Variants in BOP1 observed in about 807,000 individuals in gnomAD.
The protein encoded by BOP1 is BOP1 ribosomal biogenesis factor.
A neutral mutation model predicts 82.9 loss-of-function variants in BOP1; 54 were observed. The observed-to-expected ratio is 0.65, with a 90% CI of 0.52 to 0.82. The LOEUF (loss-of-function observed/expected upper bound fraction) is 0.82, where lower values mean the gene tolerates loss of function less well. BOP1 is among the 40% of genes least tolerant of loss of function. The probability of loss-of-function intolerance (pLI) is 0.00; values close to 1 mark genes in which losing one functional copy is unlikely to be tolerated. For synonymous variants in BOP1, 566 were observed against 451.1 expected, an observed-to-expected ratio of 1.25 and a Z score of -3.23; for missense variants, 1,170 against 1,072.0, an observed-to-expected ratio of 1.09 and a Z score of -1.28.
chr8:144,263,337 G>T lies in BOP1; in HGVS notation c.1489C>A (p.Gln497Lys). 3.1e-6 allele frequency: 5 copies of T among 1,595,012 alleles called. No homozygotes were observed. Among genetic ancestry groups the T allele is most frequent in the Non-Finnish European group, 4.2e-6 (5 of 1,179,056 alleles). Residue 497 changes from glutamine to lysine, a missense_variant, in exon 12 of 16, where the codon CAG becomes AAG. Transcript: ENST00000569669. Reference protein sequence around the residue: ...GDRLVAGSTDQLLSAFVPPEE... With the variant: ...GDRLVAGSTDKLLSAFVPPEE... ...GGCGGGACGAAGGCGCTCAACAGCT[G>T]ATCTGTGCTGCCCGCCACCAGCCGG...
At chr8:144,276,865 A>G (rs988677030) in intron 2 of BOP1, among the ~76,000 whole-genome samples, 1 of 152,310 alleles carries the variant, frequency 6.6e-6, no homozygotes, top group East Asian at 1.9e-4. Context: ...TCCAGCCAGC[A>G]GAGGGCCCAG....
At chr8:144,269,588 A>G (rs1564597412) in intron 3 of BOP1, among the ~76,000 whole-genome samples, 2 of 152,252 alleles carry the variant, frequency 1.3e-5, no homozygotes, top group African/African-American at 2.4e-5. Context: ...TGATAGAAAT[A>G]TAACAGGATA....
At position 144,275,482 on chromosome 8, in the gene BOP1, CCGG is replaced by C. The variant is rs1845555763; in HGVS notation, c.390+739_390+741del. ...CCTCTCCACGCTGGCGGAGCCCAGC[CCGG>C]TGCCAGCCTCTCCACGCTGGCGGAG... On this transcript the variant is annotated intron_variant, in intron 3 of 15. Transcript: ENST00000569669. 5.3e-5 allele frequency among the ~76,000 whole-genome samples: 8 copies of C among 151,502 alleles called. No homozygotes were observed. The South Asian group carries it at 1.5e-3, about 28-fold the overall frequency.
rs938308160 is a variant in BOP1, at chr8:144,262,143, A to T, written c.*21T>A. 1.1e-4 allele frequency: 170 copies of T among 1,611,738 alleles called. 1 individual carries two copies. In the African/African-American group the frequency reaches 2.0e-3, roughly 19 times the overall value. ...CTGTTGACTTCAGCACGACCACCCC[A>T]GCCCCAGGCAGGCAGAACAGCTAGG... On this transcript the variant is annotated 3_prime_UTR_variant, in exon 16 of 16. Coordinates refer to ENST00000569669, the MANE Select transcript of BOP1 (RefSeq NM_015201.5).
intron 3 of BOP1, among the ~76,000 whole-genome samples, chr8:144,267,584 T>C (rs1045622388): frequency 1.3e-4 from 20 of 152,362 alleles, no homozygotes; most frequent in Admixed American, 3.9e-4. Context: ...CCCCGGGTTC[T>C]TAGCCCCTGC....
rs759488241 is a variant in BOP1, at chr8:144,276,640, C to T, written c.310-336G>A. On this transcript the variant is annotated intron_variant, in intron 2 of 15. Coordinates refer to ENST00000569669, the MANE Select transcript of BOP1 (RefSeq NM_015201.5). Reference sequence around the variant, plus strand: ...CCGCCAGCTGAGGACCAAGACCCACCGCCAACCACCCGTACCCCCATTCAT... The same window carrying T: ...CCGCCAGCTGAGGACCAAGACCCACTGCCAACCACCCGTACCCCCATTCAT... Among the ~76,000 whole-genome samples the T allele has an allele frequency of 1.6e-3, 239 of 152,294 alleles. 2 individuals carry two copies. Among genetic ancestry groups the T allele is most frequent in the Non-Finnish European group, 3.2e-4 (22 of 68,016 alleles).
At chr8:144,277,782 C>G (rs1487434534) in intron 2 of BOP1, among the ~76,000 whole-genome samples, 1 of 56,238 alleles carries the variant, frequency 1.8e-5, no homozygotes, top group Admixed American at 2.4e-4. Context: ...CCAGGCCCAG[C>G]GCCCGAAGGG....
chr8:144,277,437 C>A (rs1005608751), intron 2 of BOP1, among the ~76,000 whole-genome samples: 1 of 152,218 alleles, frequency 6.6e-6, no homozygotes, highest in Non-Finnish European at 1.5e-5. Context: ...GTTCCACACC[C>A]GGCTGCGGTC....
intron 2 of BOP1, chr8:144,281,967 A>C (rs1845692379): frequency 6.6e-6 from 1 of 152,270 alleles, no homozygotes; most frequent in African/African-American, 2.4e-5. Flanking sequence ...AACTCACATA[A>C]ATGAAAAGAC....
chr8:144,266,651 G>A (rs1268236037), intron 3 of BOP1: 15 of 1,253,722 alleles, frequency 1.2e-5, no homozygotes, highest in Non-Finnish European at 1.5e-5. Flanking sequence ...CCGCCGGGCC[G>A]CTACCTGTAC....
chr8:144,273,603 G>A (rs908890433), intron 3 of BOP1, among the ~76,000 whole-genome samples: 7 of 152,366 alleles, frequency 4.6e-5, no homozygotes, highest in African/African-American at 9.6e-5. Flanking sequence ...TCTCCCAACC[G>A]CTCAAATCAA....
At chr8:144,285,339 C>G (rs1201990899) in intron 2 of BOP1, among the ~76,000 whole-genome samples, 2 of 152,200 alleles carry the variant, frequency 1.3e-5, no homozygotes, top group Non-Finnish European at 2.9e-5. Flanking sequence ...TGATGTGATG[C>G]TGTGGCTGGG....
Position 144,271,748 on chromosome 8 carries a change from G to A in BOP1, c.390+4476C>T, listed in dbSNP as rs894311226. 2.2e-4 allele frequency among the ~76,000 whole-genome samples: 33 copies of A among 152,118 alleles called. 1 individual carries two copies. The South Asian group carries it at 2.5e-3, about 11-fold the overall frequency. ...TCCTCAAAGTCCAAACCAGCTGAGC[G>A]AACCCCCAGCCCAAGGTGGGGCCCC... On this transcript the variant is annotated intron_variant, in intron 3 of 15. Transcript: ENST00000569669.
Position 144,288,255 on chromosome 8 carries a change from G to A in BOP1, c.309+840C>T, listed in dbSNP as rs1814936346. Among the ~76,000 whole-genome samples, 9 of 146,004 alleles carry A rather than the reference G, an allele frequency of 6.2e-5. No homozygotes were observed. The South Asian group carries it at 2.0e-3, about 32-fold the overall frequency. ...ACTGCACTCCAGCCTGGGCAACAGA[G>A]CAAGACTCTGTCTTAGAAAAAAAAA... On this transcript the variant is annotated intron_variant, in intron 2 of 15. Coordinates refer to ENST00000569669, the MANE Select transcript of BOP1 (RefSeq NM_015201.5).
At position 144,263,064 on chromosome 8, in the gene BOP1, C is replaced by G. The variant is rs1291991942; in HGVS notation, c.1683G>C (p.Val561=). The change falls in exon 13 of 16, where the codon GTG becomes GTC. Residue 561 remains valine, a synonymous_variant. Transcript: ENST00000569669. ...VVLATQGHTQ[V]LIHQLSRRRS... is the part of the protein sequence containing the mutation. ...GGCGACGGCTCAGCTGGTGAATCAG[C>G]ACCTGGGTGTGGCCTTGGGTGGCCA... is the stretch of plus-strand genomic sequence containing the variant. The G allele has an allele frequency of 1.9e-6, 3 of 1,586,744 alleles. No individual in the cohort carries two copies. The African/African-American group carries it at 4.0e-5, about 21-fold the overall frequency.
intron 3 of BOP1, among the ~76,000 whole-genome samples, chr8:144,268,950 G>A (rs934344066): frequency 6.6e-6 from 1 of 152,132 alleles, no homozygotes; most frequent in Non-Finnish European, 1.5e-5. Flanking sequence ...GCGGAGGGGG[G>A]GGCTCCCAGC....
At chr8:144,279,778 C>T (rs1485625950) in intron 2 of BOP1, among the ~76,000 whole-genome samples, 6 of 152,196 alleles carry the variant, frequency 3.9e-5, no homozygotes, top group African/African-American at 9.7e-5. Context: ...TCGTGAAGGC[C>T]GTGTGGCTCT....
chr8:144,262,925 G>A lies in BOP1; in HGVS notation c.1822C>T (p.Leu608=). 1 of 1,550,140 alleles carries A rather than the reference G, an allele frequency of 6.5e-7. No individual in the cohort carries two copies. Among genetic ancestry groups the A allele is most frequent in the East Asian group, 2.3e-5 (1 of 42,644 alleles). The change falls in exon 13 of 16, where the codon CTG becomes TTG. Residue 608 remains leucine (L), a synonymous_variant. Coordinates refer to ENST00000569669, the MANE Select transcript of BOP1 (RefSeq NM_015201.5). The part of the protein sequence containing the change: ...SQRSVRLYHL[L]RQELTKKLMP... ...AGCTTCTTGGTGAGCTCCTGGCGCAGCAGGTGGTAGAGGCGGACGCTGCGC... is the reference window on the plus strand; with the variant it reads ...AGCTTCTTGGTGAGCTCCTGGCGCAACAGGTGGTAGAGGCGGACGCTGCGC...
At chr8:144,273,392 T>C (rs116701992) in intron 3 of BOP1, among the ~76,000 whole-genome samples, 136,210 of 152,164 alleles carry the variant, frequency 0.9, 61,899 homozygotes, top group Non-Finnish European at 0.97. Context: ...GACTCCAGAC[T>C]CCAGTGGAGG....
Sources: gnomAD v4.1 joint callset for allele counts (sites outside exome capture counted in the v4.1 genomes callset) on GRCh38, gnomAD v4.1.1 for gene constraint, MANE v1.5 for transcripts, NCBI Gene and HGNC (gene_info 2026-07-23, HGNC 2026-07-21) for gene names.